FAM13B: variants seen among roughly 807,000 people sequenced by gnomAD.
The protein encoded by FAM13B is family with sequence similarity 13 member B.
In FAM13B, 60 loss-of-function variants were observed where a neutral mutation model predicts 117.3. The ratio of observed to expected loss-of-function variants is 0.51; its 90% confidence interval spans 0.42 to 0.63. The LOEUF is 0.63. FAM13B is among the 30% of genes least tolerant of loss of function. FAM13B has a pLI of 0.00. For synonymous variants in FAM13B, 332 were observed against 356.1 expected, an observed-to-expected ratio of 0.93 and a Z score of 0.76; for missense variants, 972 against 1,091.9, an observed-to-expected ratio of 0.89 and a Z score of 1.55.
At position 138,018,432 on chromosome 5, in the gene FAM13B, T is replaced by C. The variant is rs1192126267; in HGVS notation, c.240A>G (p.Gly80=). The change falls in exon 4 of 24, where the codon GGA becomes GGG. Residue 80 remains glycine (G), a synonymous_variant. Coordinates refer to ENST00000689681, the MANE Select transcript of FAM13B (RefSeq NM_001385994.1). ...CTTCCTTAACCAAATCCACCTCTTCTCCGCTGTCGTATCTCTGCCGAAGCC... is the reference window on the plus strand; with the variant it reads ...CTTCCTTAACCAAATCCACCTCTTCCCCGCTGTCGTATCTCTGCCGAAGCC... The part of the protein sequence containing the change: ...VEWLRQRYDS[G]EEVDLVKEAD... 3.1e-6 allele frequency: 5 copies of C among 1,614,148 alleles called. No homozygotes were observed. Among genetic ancestry groups the C allele is most frequent in the Non-Finnish European group, 3.4e-6 (4 of 1,180,026 alleles).
chr5:137,938,703 ACTG>A lies in FAM13B; in HGVS notation c.*1519_*1521del, dbSNP rs1760835759. On this transcript the variant is annotated 3_prime_UTR_variant, in exon 24 of 24. Transcript: ENST00000689681. Reference sequence around the variant, plus strand: ...CACGGGTGAAATGTGAAGTACTAGAACTGCTATTTATTATCAAACTACTTCATG... The same window carrying A: ...CACGGGTGAAATGTGAAGTACTAGAACTATTTATTATCAAACTACTTCATG... 6.6e-6 allele frequency: 1 copy of A among 152,346 alleles called. No homozygotes were observed. The highest frequency in any genetic ancestry group is 2.1e-4 in the South Asian group (1 of 4,802). 9.4% of individuals were successfully genotyped at this position (152,346 alleles called of 1,614,324 possible). A position where few individuals can be genotyped will look rare whatever the true frequency, so the allele number is the denominator to read the frequency against.
intron 1 of FAM13B, among the ~76,000 whole-genome samples, chr5:138,028,469 T>C (rs1008202011): frequency 2.0e-5 from 3 of 152,162 alleles, no homozygotes. Flanking sequence ...ACATTTCTCT[T>C]TTTGCACAGA....
intron 1 of FAM13B, among the ~76,000 whole-genome samples, chr5:138,046,991 G>T (rs1318037650): frequency 4.0e-5 from 6 of 151,894 alleles, no homozygotes; most frequent in Admixed American, 3.3e-4. Flanking sequence ...TGATCCACCT[G>T]CCTCGGCCTC....
At chr5:137,979,588 C>A (rs974843939) in intron 10 of FAM13B, among the ~76,000 whole-genome samples, 1 of 152,182 alleles carries the variant, frequency 6.6e-6, no homozygotes, top group South Asian at 2.1e-4. Context: ...TATCCTCCCA[C>A]AATACCCTGA....
intron 1 of FAM13B, among the ~76,000 whole-genome samples, chr5:138,040,292 G>A (rs533181931): frequency 1.0e-3 from 151 of 147,114 alleles, no homozygotes; most frequent in African/African-American, 3.5e-3. Context: ...AAAAAAGGCC[G>A]GGCACGGTGG....
intron 4 of FAM13B, among the ~76,000 whole-genome samples, chr5:138,013,228 G>A (rs1251224691): frequency 2.1e-5 from 3 of 146,314 alleles, no homozygotes; most frequent in Non-Finnish European, 3.0e-5. Context: ...AAGGCTGGGC[G>A]CGGTGGCTCA....
chr5:137,950,945 G>A (rs903418841), intron 17 of FAM13B, among the ~76,000 whole-genome samples: 1 of 152,082 alleles, frequency 6.6e-6, no homozygotes, highest in Admixed American at 6.5e-5. Flanking sequence ...GGTGGCTCAC[G>A]CCTGTAATCC....
At chr5:137,981,432 G>T (rs11744170) in intron 10 of FAM13B, among the ~76,000 whole-genome samples, 19,814 of 151,814 alleles carry the variant, frequency 0.13, 1,701 homozygotes, top group Non-Finnish European at 0.19. Flanking sequence ...GGGAAAGAGT[G>T]AGACCTTGTC....
chr5:137,995,977 A>G (rs1215248317), intron 7 of FAM13B, among the ~76,000 whole-genome samples: 1 of 152,168 alleles, frequency 6.6e-6, no homozygotes, highest in African/African-American at 2.4e-5. Flanking sequence ...GATATTGAAA[A>G]TGTGAACTGA....
At chr5:138,012,893 A>T (rs2150916854) in intron 4 of FAM13B, among the ~76,000 whole-genome samples, 2 of 152,122 alleles carry the variant, frequency 1.3e-5, no homozygotes, top group Middle Eastern at 6.8e-3. Flanking sequence ...GGACTCCAGT[A>T]CTATGTTGAT....
At chr5:138,025,308 TATG>T (rs1181481529) in intron 1 of FAM13B, among the ~76,000 whole-genome samples, 1,976 of 58,238 alleles carry the variant, frequency 0.034, 187 homozygotes, top group African/African-American at 0.072. Flanking sequence ...TATATATATA[TATG>T]TATTTTTTTT....
Position 137,940,031 on chromosome 5 carries a change from A to T in FAM13B, c.*194T>A. 6.2e-7 allele frequency: 1 copy of T among 1,612,670 alleles called. No homozygotes were observed. Among genetic ancestry groups the T allele is most frequent in the East Asian group, 2.2e-5 (1 of 44,836 alleles). The stretch of plus-strand genomic sequence containing the variant: ...GAGGACAGTCTGTGGTTAATATGGA[A>T]CATCACTTACGCTCCCTTGAGAGGG... On this transcript the variant is annotated 3_prime_UTR_variant, in exon 24 of 24. Transcript: ENST00000689681.
At chr5:138,025,300 T>C (rs1326231609) in intron 1 of FAM13B, among the ~76,000 whole-genome samples, 1 of 129,394 alleles carries the variant, frequency 7.7e-6, no homozygotes, top group Non-Finnish European at 1.6e-5. Flanking sequence ...TATATATATA[T>C]ATATATATAT....
intron 13 of FAM13B, among the ~76,000 whole-genome samples, chr5:137,957,427 CTACTCAGGAGGCT>C (rs1441470188): frequency 6.6e-6 from 1 of 151,502 alleles, no homozygotes. Context: ...GTAATCCCAG[CTACTCAGGAGGCT>C]GAGGCAGGAG....
intron 11 of FAM13B, 87 bp from the exon 12 acceptor site, chr5:137,960,301 T>C: frequency 1.4e-6 from 1 of 707,336 alleles, no homozygotes; most frequent in South Asian, 2.1e-5. Flanking sequence ...CTCTACTCCA[T>C]AACACAGTTA....
intron 7 of FAM13B, among the ~76,000 whole-genome samples, chr5:138,003,144 G>A (rs998654915): frequency 3.3e-5 from 5 of 151,934 alleles, no homozygotes; most frequent in Middle Eastern, 3.2e-3. Context: ...AATAACAACC[G>A]TAAAAATAAG....
At chr5:137,958,485 G>A (rs951327032) in intron 13 of FAM13B, among the ~76,000 whole-genome samples, 2 of 150,930 alleles carry the variant, frequency 1.3e-5, no homozygotes, top group East Asian at 1.9e-4. Context: ...CTCCATTTGC[G>A]ATCAGGTGAG....
intron 1 of FAM13B, among the ~76,000 whole-genome samples, chr5:138,025,861 T>C (rs1788215103): frequency 6.6e-6 from 1 of 152,202 alleles, no homozygotes. Flanking sequence ...GGCATCACAC[T>C]AGCCAACTTA....
chr5:138,034,234 A>C (rs1790841868), upstream of FAM13B, among the ~76,000 whole-genome samples: 1 of 152,216 alleles, frequency 6.6e-6, no homozygotes. Context: ...CAGAACCAAC[A>C]CTTACTCTCA....
Sources: gnomAD v4.1 joint callset for allele counts (sites outside exome capture counted in the v4.1 genomes callset) on GRCh38, gnomAD v4.1.1 for gene constraint, MANE v1.5 for transcripts, NCBI Gene and HGNC (gene_info 2026-07-23, HGNC 2026-07-21) for gene names.